The following MPDZ variants were observed in gnomAD, a reference collection of about 807,000 sequenced individuals.
MPDZ encodes the protein multiple PDZ domain crumbs cell polarity complex component.
Under a neutral mutation model 239.1 loss-of-function variants are expected in MPDZ, and 234 were observed. That is an observed-to-expected ratio of 0.98 (90% CI 0.88 to 1.09). MPDZ has a LOEUF of 1.09. Ranked by LOEUF, MPDZ falls within the 50% of genes least tolerant of loss-of-function variation. The pLI, the probability that MPDZ is intolerant of heterozygous loss-of-function variation, is 0.00. For missense variants in MPDZ, 3,175 were observed against 2,510.0 expected, an observed-to-expected ratio of 1.26 and a Z score of -5.66; for synonymous variants, 1,048 against 881.3, an observed-to-expected ratio of 1.19 and a Z score of -3.35.
chr9:13,129,460 C>G (rs769212063), intron 32 of MPDZ, among the ~76,000 whole-genome samples: 14 of 148,414 alleles, frequency 9.4e-5, no homozygotes, highest in Non-Finnish European at 2.1e-4. Flanking sequence ...GAGACTCAGT[C>G]TCAAAAATAA....
chr9:13,207,546 T>A (rs1016647987), intron 10 of MPDZ, among the ~76,000 whole-genome samples: 3 of 152,226 alleles, frequency 2.0e-5, no homozygotes, highest in Non-Finnish European at 4.4e-5. Context: ...TCTTTCTCAA[T>A]AGCTTACTTA....
At chr9:13,190,802 A>G (rs1464183409) in intron 15 of MPDZ, among the ~76,000 whole-genome samples, 3 of 152,170 alleles carry the variant, frequency 2.0e-5, no homozygotes, top group Non-Finnish European at 2.9e-5. Flanking sequence ...AAAACATAAG[A>G]TTTGAAATCA....
In MPDZ at chr9:13,175,849, G is replaced by A. The variant is rs1952409063; in HGVS notation, c.2958C>T (p.Ser986=). The A allele has an allele frequency of 3.1e-6, 5 of 1,593,766 alleles. 1 individual carries two copies. In the African/African-American group the frequency reaches 4.0e-5, roughly 13 times the overall value. The change falls in exon 21 of 47, where the codon AGC becomes AGT. Residue 986 remains serine, a synonymous_variant. Transcript: ENST00000319217. Reference sequence around the variant, plus strand: ...CACACTCAGCATTACAGGCCAGGGAGCTCTGTTCAAGCAGGTACTCAGAGC... The same window carrying A: ...CACACTCAGCATTACAGGCCAGGGAACTCTGTTCAAGCAGGTACTCAGAGC... ...GKGSEYLLEQ[S]SLACNAECVM...
chr9:13,124,934 A>T (rs546304149), intron 35 of MPDZ, among the ~76,000 whole-genome samples: 1 of 152,302 alleles, frequency 6.6e-6, no homozygotes, highest in East Asian at 1.9e-4. Context: ...AGCAAAGAAT[A>T]CTATTCCCTT....
At chr9:13,184,286 T>C (rs1245090935) in intron 18 of MPDZ, among the ~76,000 whole-genome samples, 3 of 152,130 alleles carry the variant, frequency 2.0e-5, no homozygotes, top group Admixed American at 6.6e-5. Context: ...TAAATTATGA[T>C]GAGCTTGAAG....
At chr9:13,245,520 T>TA (rs1415570838) in intron 3 of MPDZ, among the ~76,000 whole-genome samples, 7 of 152,176 alleles carry the variant, frequency 4.6e-5, no homozygotes, top group Non-Finnish European at 1.0e-4. Flanking sequence ...TAAGCCACTG[T>TA]AATCTACAGG....
At chr9:13,254,304 T>C (rs1968868019) in intron 1 of MPDZ, among the ~76,000 whole-genome samples, 1 of 152,242 alleles carries the variant, frequency 6.6e-6, no homozygotes. Context: ...GTAATGTTAA[T>C]GTCCATACAT....
chr9:13,143,312 G>C (rs572509731), intron 27 of MPDZ, among the ~76,000 whole-genome samples, 154 bp downstream of exon 27: 1 of 152,108 alleles, frequency 6.6e-6, no homozygotes, highest in East Asian at 1.9e-4. Flanking sequence ...CTTAAGAAAG[G>C]ATCTGCATGC....
chr9:13,215,380 C>T (rs1401228821), intron 10 of MPDZ, among the ~76,000 whole-genome samples: 3 of 149,872 alleles, frequency 2.0e-5, no homozygotes, highest in Non-Finnish European at 4.4e-5. Flanking sequence ...GTATATATAG[C>T]AATATGTGTC....
chr9:13,142,734 T>C (rs10738324), intron 27 of MPDZ, among the ~76,000 whole-genome samples: 65,692 of 151,942 alleles, frequency 0.43, 16,068 homozygotes, highest in African/African-American at 0.67. Flanking sequence ...CCTTCAGATA[T>C]AGCATCTTTG....
intron 21 of MPDZ, among the ~76,000 whole-genome samples, chr9:13,172,341 C>T (rs1951879568): frequency 6.7e-6 from 1 of 150,370 alleles, no homozygotes; most frequent in South Asian, 2.1e-4. Context: ...GAATGGTAAA[C>T]TAATGGTGCT....
intron 6 of MPDZ, 126 bp from the exon 7 acceptor site, chr9:13,221,626 C>A: frequency 2.1e-6 from 2 of 943,998 alleles, no homozygotes; most frequent in East Asian, 2.8e-5. Context: ...AATAATGAGT[C>A]CTAACAATGT....
At position 13,119,594 on chromosome 9, in the gene MPDZ, C is replaced by T. The variant is rs1189772918; in HGVS notation, c.5287G>A (p.Asp1763Asn). 18 of 1,613,980 alleles carry T rather than the reference C, an allele frequency of 1.1e-5. No individual in the cohort carries two copies. The highest frequency in any genetic ancestry group is 8.8e-5 in the South Asian group (8 of 91,084). Residue 1763 changes from aspartate to asparagine, a missense_variant, in exon 39 of 47, where the codon GAT becomes AAT. Transcript: ENST00000319217. ...TGGTCTCCCTGCATCAGTCTTCCATCGGCATCTGCAATTCCTCCTTTGACA... is the reference window on the plus strand; with the variant it reads ...TGGTCTCCCTGCATCAGTCTTCCATTGGCATCTGCAATTCCTCCTTTGACA... ...DIVKGGIADA[D>N]GRLMQGDQIL...
chr9:13,191,268 G>C (rs2135012544), intron 15 of MPDZ, among the ~76,000 whole-genome samples: 1 of 152,118 alleles, frequency 6.6e-6, no homozygotes, highest in East Asian at 1.9e-4. Flanking sequence ...ACTAAACTAT[G>C]CATTTTATTC....
In MPDZ at chr9:13,216,810, A is replaced by G; in HGVS notation, c.1254T>C (p.His418=). The G allele has an allele frequency of 1.2e-6, 2 of 1,610,344 alleles. No homozygotes were observed. The highest frequency in any genetic ancestry group is 1.7e-6 in the Non-Finnish European group (2 of 1,178,046). ...GGTCTCCAATTTGGATTCTTCCATCATGCTCAACGGCACTGCTTTTTGTAA... is the reference window on the plus strand; with the variant it reads ...GGTCTCCAATTTGGATTCTTCCATCGTGCTCAACGGCACTGCTTTTTGTAA... ...KSITKSSAVE[H]DGRIQIGDQI... is the part of the protein sequence containing the mutation. The change falls in exon 10 of 47, where the codon CAT becomes CAC. Residue 418 remains histidine (H), a synonymous_variant. Transcript: ENST00000319217.
intron 41 of MPDZ, among the ~76,000 whole-genome samples, chr9:13,113,330 T>C (rs1942824122): frequency 6.6e-6 from 1 of 152,178 alleles, no homozygotes; most frequent in Admixed American, 6.5e-5. Flanking sequence ...AAGGGCAGAA[T>C]GTGTTTTGCA....
chr9:13,245,466 T>C (rs1489557986), intron 3 of MPDZ, among the ~76,000 whole-genome samples: 1 of 150,610 alleles, frequency 6.6e-6, no homozygotes, highest in East Asian at 1.9e-4. Context: ...GAAAACTGAG[T>C]TCTAGTTCTA....
chr9:13,229,450 G>A (rs763531421), intron 3 of MPDZ, among the ~76,000 whole-genome samples: 2 of 150,752 alleles, frequency 1.3e-5, no homozygotes, highest in African/African-American at 2.4e-5. Flanking sequence ...AATCTTCAAA[G>A]CACAATAAGA....
chr9:13,201,422 T>C (rs532049984), intron 12 of MPDZ, among the ~76,000 whole-genome samples: 2 of 152,116 alleles, frequency 1.3e-5, no homozygotes, highest in African/African-American at 4.8e-5. Context: ...TTGAATATAG[T>C]TGGTTACCTC....
Sources: allele counts gnomAD v4.1 joint callset (sites outside exome capture counted in the v4.1 genomes callset), GRCh38; gene constraint gnomAD v4.1.1; transcripts MANE v1.5; gene names NCBI Gene and HGNC (gene_info 2026-07-23, HGNC 2026-07-21).